KCNN2: variants seen among roughly 807,000 people sequenced by gnomAD.
The protein encoded by KCNN2 is small conductance calcium-activated potassium channel protein 2.
In KCNN2, 24 loss-of-function variants were observed where a neutral mutation model predicts 55.5. The observed-to-expected ratio is 0.43, with a 90% confidence interval of 0.31 to 0.61. The LOEUF (loss-of-function observed/expected upper bound fraction) is 0.61, where lower values mean the gene tolerates loss of function less well. Ranked by LOEUF, KCNN2 falls within the 20% of genes least tolerant of loss-of-function variation. The pLI is 0.08. For missense variants in KCNN2, 754 were observed against 853.6 expected (o/e 0.88, Z 1.45); for synonymous variants, 431 against 336.1 (o/e 1.28, Z -3.09).
chr5:114,382,216 C>G (rs1332109396), intron 2 of KCNN2, among the ~76,000 whole-genome samples: 1 of 152,158 alleles, frequency 6.6e-6, no homozygotes, highest in East Asian at 1.9e-4. Context: ...GCAGTGCAAT[C>G]CTTGCCTTCA....
chr5:114,357,746 G>A (rs1325757771), upstream of KCNN2, among the ~76,000 whole-genome samples: 8 of 141,544 alleles, frequency 5.7e-5, no homozygotes, highest in Non-Finnish European at 9.2e-5. Flanking sequence ...TGTGAATAAT[G>A]CCGCAATAAA....
chr5:114,371,846 A>G (rs114036727), intron 2 of KCNN2, among the ~76,000 whole-genome samples: 1,643 of 152,250 alleles, frequency 0.011, 12 homozygotes, highest in Middle Eastern at 0.027. Flanking sequence ...GCACTTTCAG[A>G]TAGGATCTTC....
At chr5:114,353,898 A>G (rs1021810534) in intron 2 of KCNN2, among the ~76,000 whole-genome samples, 5 of 151,856 alleles carry the variant, frequency 3.3e-5, no homozygotes, top group Admixed American at 6.6e-5. Context: ...GTTTCTGGGT[A>G]TGGATTGCTT....
intron 3 of KCNN2, among the ~76,000 whole-genome samples, chr5:114,452,665 C>A (rs891963941): frequency 6.6e-6 from 1 of 152,226 alleles, no homozygotes; most frequent in Non-Finnish European, 1.5e-5. Context: ...CCCCGGAGAC[C>A]TCAGCTTCAT....
chr5:114,228,973 T>C (rs1754301629), intron 2 of KCNN2, among the ~76,000 whole-genome samples: 1 of 152,094 alleles, frequency 6.6e-6, no homozygotes, highest in African/African-American at 2.4e-5. Context: ...AGATTGTTTC[T>C]GAATTTAACA....
At chr5:114,377,479 A>G (rs531458661) in intron 2 of KCNN2, among the ~76,000 whole-genome samples, 1 of 152,294 alleles carries the variant, frequency 6.6e-6, no homozygotes, top group Non-Finnish European at 1.5e-5. Context: ...AAGCTTGTGA[A>G]AAGCAGAAGA....
intron 2 of KCNN2, among the ~76,000 whole-genome samples, chr5:114,280,597 G>C (rs1456573744): frequency 2.6e-5 from 4 of 152,094 alleles, no homozygotes; most frequent in Non-Finnish European, 5.9e-5. Flanking sequence ...GTTTGTCAAA[G>C]ATCAGATAGT....
At chr5:114,335,867 G>A (rs532232477) in intron 2 of KCNN2, among the ~76,000 whole-genome samples, 5 of 152,234 alleles carry the variant, frequency 3.3e-5, no homozygotes, top group East Asian at 1.9e-4. Flanking sequence ...AATGGAGGAT[G>A]GTGGATAGTT....
At chr5:114,381,758 C>A (rs1580771577) in intron 2 of KCNN2, among the ~76,000 whole-genome samples, 1 of 152,178 alleles carries the variant, frequency 6.6e-6, no homozygotes, top group Admixed American at 6.5e-5. Flanking sequence ...TTTTAAGCCT[C>A]CTCAAGTGGT....
chr5:114,134,897 T>C (rs963479340), intron 1 of KCNN2, among the ~76,000 whole-genome samples: 7 of 152,126 alleles, frequency 4.6e-5, no homozygotes, highest in Non-Finnish European at 8.8e-5. Context: ...TATTCCAAAA[T>C]AATAGGAAAA....
At position 114,087,464 on chromosome 5, in the gene KCNN2, G is replaced by T. The variant is rs531877364; in HGVS notation, c.-271+30964G>T. ...GAGTTAATTTTTGTATATGGTAAAA[G>T]GTAGGGGTCCAGTTTTATTCTTCTG... On this transcript the variant is annotated intron_variant, in intron 1 of 10. Transcript: ENST00000512097. Among the ~76,000 whole-genome samples, 9 of 152,196 alleles carry T rather than the reference G, an allele frequency of 5.9e-5. No individual in the cohort carries two copies. The South Asian group carries it at 1.7e-3, about 28-fold the overall frequency.
chr5:114,082,063 G>A (rs1434545390), intron 1 of KCNN2, among the ~76,000 whole-genome samples: 1 of 152,148 alleles, frequency 6.6e-6, no homozygotes, highest in Non-Finnish European at 1.5e-5. Context: ...CAGTAAGCAC[G>A]TGAAAAGATG....
intron 2 of KCNN2, among the ~76,000 whole-genome samples, chr5:114,347,909 A>G (rs962092758): frequency 6.6e-6 from 1 of 152,040 alleles, no homozygotes; most frequent in Non-Finnish European, 1.5e-5. Context: ...AGAGCCTCTC[A>G]CTCCCTTAGT....
chr5:114,319,520 T>C (rs1016584215), intron 2 of KCNN2, among the ~76,000 whole-genome samples: 7 of 152,172 alleles, frequency 4.6e-5, no homozygotes, highest in African/African-American at 1.7e-4. Context: ...TAAAGGAGGA[T>C]GGTTTTATGC....
intron 3 of KCNN2, among the ~76,000 whole-genome samples, chr5:114,429,915 A>G (rs1759741131): frequency 7.2e-6 from 1 of 138,414 alleles, no homozygotes; most frequent in African/African-American, 2.7e-5. Context: ...ATTTGCCTGT[A>G]TCAATGATCA....
intron 1 of KCNN2, among the ~76,000 whole-genome samples, chr5:114,194,710 TTTC>T (rs1561517588): frequency 1.3e-5 from 2 of 152,104 alleles, no homozygotes; most frequent in African/African-American, 4.8e-5. Flanking sequence ...TTGATGTTTT[TTTC>T]TTGTCACTTG....
intron 1 of KCNN2, among the ~76,000 whole-genome samples, chr5:114,066,242 C>T (rs1750448965): frequency 1.3e-5 from 2 of 152,136 alleles, no homozygotes; most frequent in South Asian, 4.1e-4. Flanking sequence ...AATTTTATCC[C>T]CATCTCTTTG....
intron 6 of KCNN2, among the ~76,000 whole-genome samples, chr5:114,488,439 T>A (rs1747681399): frequency 6.6e-6 from 1 of 152,174 alleles, no homozygotes; most frequent in Admixed American, 6.5e-5. Flanking sequence ...GTTAGAGTTT[T>A]CAAATAATAC....
At chr5:114,379,543 A>T (rs62381471) in intron 2 of KCNN2, among the ~76,000 whole-genome samples, 2 of 68,622 alleles carry the variant, frequency 2.9e-5, no homozygotes, top group South Asian at 3.7e-4. Context: ...ATTATATATT[A>T]TAGAATATAT....
Sources: allele counts gnomAD v4.1 joint callset (sites outside exome capture counted in the v4.1 genomes callset), GRCh38; gene constraint gnomAD v4.1.1; transcripts MANE v1.5; gene names NCBI Gene and HGNC (gene_info 2026-07-23, HGNC 2026-07-21).